PRKCH: variants seen among roughly 807,000 people sequenced by gnomAD.
PRKCH encodes the protein protein kinase C eta type.
A neutral mutation model predicts 82.5 loss-of-function variants in PRKCH; 28 were observed. That is an observed-to-expected ratio of 0.34 (90% CI 0.25 to 0.47). The LOEUF is 0.47. Ranked by LOEUF, PRKCH falls within the 20% of genes least tolerant of loss-of-function variation. The pLI is 1.00. For missense variants in PRKCH, 705 were observed against 881.8 expected (o/e 0.80, Z 2.54); for synonymous variants, 322 against 327.4 (o/e 0.98, Z 0.18).
intron 1 of PRKCH, among the ~76,000 whole-genome samples, chr14:61,381,458 T>C (rs1410194995): frequency 1.3e-5 from 2 of 152,250 alleles, no homozygotes; most frequent in African/African-American, 2.4e-5. Context: ...GTCATTGTTA[T>C]AGAGATGAAA....
At chr14:61,531,752 G>A (rs186054918) in intron 12 of PRKCH, among the ~76,000 whole-genome samples, 2 of 152,268 alleles carry the variant, frequency 1.3e-5, no homozygotes, top group East Asian at 1.9e-4. Context: ...AGAAATAAAA[G>A]CACAGTACTT....
Position 61,321,840 on chromosome 14 carries a change from G to A in PRKCH, c.-262G>A, listed in dbSNP as rs2045628951. 7.9e-6 allele frequency: 3 copies of A among 377,460 alleles called. No individual in the cohort carries two copies. In the South Asian group the frequency reaches 1.1e-4, roughly 13 times the overall value. The allele number at this position is 377,460 out of a possible 1,614,324, so 23.4% of individuals were successfully genotyped here. A position where few individuals can be genotyped will look rare whatever the true frequency, so the allele number is the denominator to read the frequency against. On this transcript the variant is annotated 5_prime_UTR_variant, in exon 1 of 14. Transcript: ENST00000332981. This position sits in a 1 kb window ranked among gnomAD's most constrained non-coding sequence, Gnocchi z 4.1. ...AGTCCCCGGGAGGCGCCGCGCGCTT[G>A]GAAGGGACGGTCGGGCTTCCCCGGC...
chr14:61,546,158 C>T (rs148025713), intron 12 of PRKCH, among the ~76,000 whole-genome samples: 1 of 152,242 alleles, frequency 6.6e-6, no homozygotes, highest in Non-Finnish European at 1.5e-5. Context: ...TTCTCCCTTC[C>T]TGCCTGCATT....
intron 2 of PRKCH, among the ~76,000 whole-genome samples, chr14:61,409,180 G>A (rs1366827014): frequency 6.6e-6 from 1 of 152,268 alleles, no homozygotes; most frequent in Non-Finnish European, 1.5e-5. Flanking sequence ...GTGGCTGTGG[G>A]CGTAGACAGC....
At chr14:61,341,593 A>AT (rs2045930497) in intron 1 of PRKCH, among the ~76,000 whole-genome samples, 1 of 152,254 alleles carries the variant, frequency 6.6e-6, no homozygotes, top group East Asian at 1.9e-4. Context: ...GTTTCATCAT[A>AT]GGGTAGTTGA....
chr14:61,439,577 G>A (rs544104442), intron 2 of PRKCH, among the ~76,000 whole-genome samples: 3 of 152,270 alleles, frequency 2.0e-5, no homozygotes, highest in Admixed American at 2.0e-4. Context: ...GCCCCAGGTC[G>A]TGAGAGAAGA....
At chr14:61,275,493 G>A (rs2045193714) in intron 1 of PRKCH, among the ~76,000 whole-genome samples, 1 of 152,142 alleles carries the variant, frequency 6.6e-6, no homozygotes, top group South Asian at 2.1e-4. Context: ...GCTCAATGTA[G>A]AGGGCAAGGC....
chr14:61,264,106 A>G (rs1198097781), intron 1 of PRKCH, among the ~76,000 whole-genome samples: 1 of 152,142 alleles, frequency 6.6e-6, no homozygotes, highest in African/African-American at 2.4e-5. Context: ...TCTCATTAAA[A>G]ATCAATTCCT....
At chr14:61,360,434 G>A (rs1311930411) in intron 1 of PRKCH, among the ~76,000 whole-genome samples, 1 of 152,156 alleles carries the variant, frequency 6.6e-6, no homozygotes, top group South Asian at 2.1e-4. Context: ...GAACATGGGA[G>A]GCGGAGGTTG....
intron 10 of PRKCH, among the ~76,000 whole-genome samples, chr14:61,490,303 CTGA>C (rs1327174210): frequency 6.6e-6 from 1 of 152,182 alleles, no homozygotes; most frequent in African/African-American, 2.4e-5. Context: ...CTTTGAGCTG[CTGA>C]TTTCTCCTCA....
At chr14:61,450,614 A>G (rs767809040) in intron 5 of PRKCH, among the ~76,000 whole-genome samples, 19 of 152,210 alleles carry the variant, frequency 1.2e-4, no homozygotes, top group African/African-American at 4.3e-4. Context: ...CAAAATGGCA[A>G]ATGATCTAAT....
intron 2 of PRKCH, among the ~76,000 whole-genome samples, chr14:61,435,002 T>A (rs1883606651): frequency 1.3e-5 from 2 of 152,078 alleles, no homozygotes; most frequent in Admixed American, 6.6e-5. Flanking sequence ...AACAGAAAGC[T>A]GGAAATGCTG....
At chr14:61,458,331 T>TTGTTTG (rs1439355252) in intron 9 of PRKCH, among the ~76,000 whole-genome samples, 1 of 152,250 alleles carries the variant, frequency 6.6e-6, no homozygotes, top group East Asian at 1.9e-4. Context: ...TACAAACTTT[T>TTGTTTG]TACTTGTTGT....
At position 61,254,081 on chromosome 14, in the gene PRKCH, G is replaced by A. The variant is rs763666889; in HGVS notation, c.-19+66413G>A. 4.7e-5 allele frequency among the ~76,000 whole-genome samples: 7 copies of A among 147,466 alleles called. No homozygotes were observed. The South Asian group carries it at 6.6e-4, about 14-fold the overall frequency. Reference sequence around the variant, plus strand: ...TTTCTACTATGTCGAAACTCTATGCGAGACATTGAGGAGTATAAAAAGCTG... The same window carrying A: ...TTTCTACTATGTCGAAACTCTATGCAAGACATTGAGGAGTATAAAAAGCTG... On this transcript the variant is annotated intron_variant, in intron 1 of 3. Coordinates refer to the PRKCH transcript ENST00000555185.
chr14:61,475,300 G>T (rs1566903252), intron 9 of PRKCH, among the ~76,000 whole-genome samples: 1 of 152,182 alleles, frequency 6.6e-6, no homozygotes, highest in Non-Finnish European at 1.5e-5. Flanking sequence ...TTGTTAAGTT[G>T]CTAAACCTTT....
At chr14:61,355,364 A>G (rs1160888366) in intron 1 of PRKCH, among the ~76,000 whole-genome samples, 1 of 151,470 alleles carries the variant, frequency 6.6e-6, no homozygotes, top group Non-Finnish European at 1.5e-5. Context: ...CTGTTTCTTC[A>G]GCATCCCCTT....
At chr14:61,450,194 C>G (rs1208662821) in intron 5 of PRKCH, among the ~76,000 whole-genome samples, 1 of 152,158 alleles carries the variant, frequency 6.6e-6, no homozygotes, top group African/African-American at 2.4e-5. Context: ...TGCCCTACTC[C>G]TTGTCATGCA....
chr14:61,228,782 G>T (rs61074759), intron 1 of PRKCH, among the ~76,000 whole-genome samples: 24,764 of 151,940 alleles, frequency 0.16, 2,613 homozygotes, highest in African/African-American at 0.27. Flanking sequence ...GGCTCATGCC[G>T]CTAATCCTAG....
intron 1 of PRKCH, among the ~76,000 whole-genome samples, chr14:61,207,052 G>T (rs1371836206): frequency 2.2e-5 from 3 of 134,086 alleles, no homozygotes; most frequent in Non-Finnish European, 4.6e-5. Flanking sequence ...GTTGCAGTGA[G>T]CCGAGATCAT....
Sources: gnomAD v4.1 joint callset for allele counts (sites outside exome capture counted in the v4.1 genomes callset) on GRCh38, gnomAD v4.1.1 for gene constraint, Gnocchi (gnomAD v3.1) non-coding constraint, MANE v1.5 for transcripts, NCBI Gene and HGNC (gene_info 2026-07-23, HGNC 2026-07-21) for gene names.